PLEKHA8: variants seen among roughly 807,000 people sequenced by gnomAD.
PLEKHA8 encodes pleckstrin homology domain-containing family A member 8.
Under a neutral mutation model 68.2 loss-of-function variants are expected in PLEKHA8, and 36 were observed. The observed-to-expected ratio is 0.53, with a 90% CI of 0.40 to 0.70. PLEKHA8 has a LOEUF of 0.70. Ranked by LOEUF, PLEKHA8 falls within the 30% of genes least tolerant of loss-of-function variation. The probability of loss-of-function intolerance (pLI) is 0.00; values close to 1 mark genes in which losing one functional copy is unlikely to be tolerated. For missense variants in PLEKHA8, 505 were observed against 615.4 expected, an observed-to-expected ratio of 0.82 and a Z score of 1.90; for synonymous variants, 211 against 216.1, an observed-to-expected ratio of 0.98 and a Z score of 0.20.
At chr7:30,093,424 A>G (rs1795490368), downstream of PLEKHA8, among the ~76,000 whole-genome samples, 1 of 152,188 alleles carries the variant, frequency 6.6e-6, no homozygotes, top group African/African-American at 2.4e-5. Context: ...TAGGACTGTG[A>G]GCCCAGACAG....
intron 13 of PLEKHA8, among the ~76,000 whole-genome samples, chr7:30,108,533 T>G (rs1185627833): frequency 4.6e-5 from 7 of 152,216 alleles, no homozygotes; most frequent in Non-Finnish European, 1.0e-4. Context: ...AGGGTAGATT[T>G]TAAAACTCCC....
intron 13 of PLEKHA8, among the ~76,000 whole-genome samples, chr7:30,095,912 GT>G (rs1304743933): frequency 4.6e-5 from 7 of 152,182 alleles, no homozygotes. Flanking sequence ...GTACCATGCT[GT>G]TTTGGTTACT....
Position 30,112,688 on chromosome 7 carries a change from C to G in PLEKHA8, c.1363-16578C>G, listed in dbSNP as rs191069015. On this transcript the variant is annotated intron_variant, in intron 13 of 13. Coordinates refer to the PLEKHA8 transcript ENST00000396257. ...GATGATTGTGCCACTGCACTCCAGCCTGGGTGACAGACCCAGACCCAGTCT... is the reference window on the plus strand; with the variant it reads ...GATGATTGTGCCACTGCACTCCAGCGTGGGTGACAGACCCAGACCCAGTCT... Among the ~76,000 whole-genome samples the G allele has an allele frequency of 2.5e-3, 381 of 151,116 alleles. 3 individuals are homozygous for G. The highest frequency in any genetic ancestry group is 8.8e-3 in the African/African-American group (360 of 41,088).
At position 30,078,612 on chromosome 7, in the gene PLEKHA8, C is replaced by G. The variant is rs1562535849; in HGVS notation, c.1385C>G (p.Ser462Cys). 1.2e-6 allele frequency: 2 copies of G among 1,613,800 alleles called. No homozygotes were observed. Among genetic ancestry groups the G allele is most frequent in the East Asian group, 4.5e-5 (2 of 44,886 alleles). ...CAGTTAGCTTTAAGGGCAGCTCCAT[C>G]CTATGAAGATTTTGTGGCCGCGTTA... The part of the protein sequence containing the change: ...VFALALRAAP[S>C]YEDFVAALTV... Residue 462 changes from serine to cysteine, a missense_variant, in exon 14 of 14, where the codon TCC becomes TGC. Coordinates refer to ENST00000449726, the MANE Select transcript of PLEKHA8 (RefSeq NM_001197026.2).
downstream of PLEKHA8, among the ~76,000 whole-genome samples, chr7:30,093,718 G>A (rs907645849): frequency 6.6e-6 from 1 of 152,180 alleles, no homozygotes; most frequent in African/African-American, 2.4e-5. Context: ...CAAAAGCTTG[G>A]TGTTTCCATC....
In PLEKHA8 at chr7:30,079,846, A is replaced by T; in HGVS notation, c.*1059A>T. The T allele has an allele frequency of 1.1e-6, 1 of 948,866 alleles. No individual in the cohort carries two copies. Among genetic ancestry groups the T allele is most frequent in the Non-Finnish European group, 1.3e-6 (1 of 796,768 alleles). 58.8% of individuals were successfully genotyped at this position (948,866 alleles called of 1,614,324 possible). A position where few individuals can be genotyped will look rare whatever the true frequency, so the allele number is the denominator to read the frequency against. ...CACAGTATTGAAGAGCAACTAGATTAAATTCTAGTTTACAAAATTACCAGT... is the reference window on the plus strand; with the variant it reads ...CACAGTATTGAAGAGCAACTAGATTTAATTCTAGTTTACAAAATTACCAGT... On this transcript the variant is annotated 3_prime_UTR_variant, in exon 14 of 14. Coordinates refer to ENST00000449726, the MANE Select transcript of PLEKHA8 (RefSeq NM_001197026.2).
intron 7 of PLEKHA8, among the ~76,000 whole-genome samples, chr7:30,053,923 T>G (rs1792617531): frequency 6.6e-6 from 1 of 152,238 alleles, no homozygotes; most frequent in Admixed American, 6.5e-5. Context: ...GTGTTTTCAT[T>G]TAAAGACACT....
At position 30,083,658 on chromosome 7, in the gene PLEKHA8, C is replaced by T. The variant is rs1363196579; in HGVS notation, c.*4871C>T. On this transcript the variant is annotated 3_prime_UTR_variant, in exon 14 of 14. Coordinates refer to ENST00000449726, the MANE Select transcript of PLEKHA8 (RefSeq NM_001197026.2). The stretch of plus-strand genomic sequence containing the variant: ...AATTAAAAGGAAAAAAATACCACTA[C>T]TCTGCAATGCAAAAGTCTTCAAAAT... 15 of 985,262 alleles carry T rather than the reference C, an allele frequency of 1.5e-5. No individual in the cohort carries two copies. Among genetic ancestry groups the T allele is most frequent in the Non-Finnish European group, 1.7e-5 (14 of 829,890 alleles). 61.0% of individuals were successfully genotyped at this position (985,262 alleles called of 1,614,324 possible).
At chr7:30,038,617 G>A (rs1400769008) in intron 1 of PLEKHA8, among the ~76,000 whole-genome samples, 1 of 152,072 alleles carries the variant, frequency 6.6e-6, no homozygotes, top group African/African-American at 2.4e-5. Flanking sequence ...GTTATTAAAG[G>A]ACTATGCATT....
At chr7:30,051,419 C>T (rs1249793209) in intron 6 of PLEKHA8, among the ~76,000 whole-genome samples, 1 of 151,042 alleles carries the variant, frequency 6.6e-6, no homozygotes, top group African/African-American at 2.4e-5. Flanking sequence ...AAGAAAATAG[C>T]AAATACTTTT....
At chr7:30,064,523 A>C (rs1186274200) in intron 12 of PLEKHA8, among the ~76,000 whole-genome samples, 2 of 152,148 alleles carry the variant, frequency 1.3e-5, no homozygotes, top group Admixed American at 6.5e-5. Context: ...AGTCTGGGCA[A>C]TCGAGTGAGA....
At chr7:30,072,269 A>G (rs1794285700) in intron 12 of PLEKHA8, 1 of 152,222 alleles carries the variant, frequency 6.6e-6, no homozygotes, top group Non-Finnish European at 1.5e-5. Context: ...AGCTTTAGAG[A>G]GCCAAAGGAA....
intron 4 of PLEKHA8, among the ~76,000 whole-genome samples, chr7:30,048,522 A>C (rs2127974726): frequency 1.3e-5 from 2 of 152,316 alleles, no homozygotes; most frequent in South Asian, 4.1e-4. Context: ...TGTGATTTTT[A>C]GCATTTATTA....
intron 5 of PLEKHA8, among the ~76,000 whole-genome samples, chr7:30,049,908 C>G (rs1373768202): frequency 2.0e-5 from 3 of 152,350 alleles, no homozygotes; most frequent in South Asian, 2.1e-4. Context: ...CTTCACCTCT[C>G]TTTCCTGGAT....
chr7:30,113,761 A>G (rs1046648534), intron 13 of PLEKHA8, among the ~76,000 whole-genome samples: 3 of 152,154 alleles, frequency 2.0e-5, no homozygotes, highest in Non-Finnish European at 4.4e-5. Flanking sequence ...TCACTTCATC[A>G]TATTGCTGCA....
At position 30,080,461 on chromosome 7, in the gene PLEKHA8, C is replaced by G. The variant is rs1794870719; in HGVS notation, c.*1674C>G. 1 of 985,150 alleles carries G rather than the reference C, an allele frequency of 1.0e-6. No homozygotes were observed. The highest frequency in any genetic ancestry group is 1.2e-6 in the Non-Finnish European group (1 of 829,898). The allele number at this position is 985,150 out of a possible 1,614,324, so 61.0% of individuals were successfully genotyped here. A position where few individuals can be genotyped will look rare whatever the true frequency, so the allele number is the denominator to read the frequency against. ...GCATCATCTCTAGATGATGCTGTTC[C>G]TGCTGCAGATCTCTAGGATGGAGAG... On this transcript the variant is annotated 3_prime_UTR_variant, in exon 14 of 14. Coordinates refer to ENST00000449726, the MANE Select transcript of PLEKHA8 (RefSeq NM_001197026.2).
In PLEKHA8 at chr7:30,083,749, A is replaced by T; in HGVS notation, c.*4962A>T. ...CAAATGTTTTCAGCTAAGCTATGTG[A>T]GAATGTAAGAATAATATCCTGCTTG... On this transcript the variant is annotated 3_prime_UTR_variant, in exon 14 of 14. Coordinates refer to ENST00000449726, the MANE Select transcript of PLEKHA8 (RefSeq NM_001197026.2). 1 of 985,116 alleles carries T rather than the reference A, an allele frequency of 1.0e-6. No individual in the cohort carries two copies. The highest frequency in any genetic ancestry group is 1.2e-6 in the Non-Finnish European group (1 of 829,620). The allele number at this position is 985,116 out of a possible 1,614,324, so 61.0% of individuals were successfully genotyped here.
Position 30,106,917 on chromosome 7 carries a change from A to G in PLEKHA8, c.1363-22349A>G, listed in dbSNP as rs538700314. Among the ~76,000 whole-genome samples the G allele has an allele frequency of 6.6e-5, 10 of 152,348 alleles. No homozygotes were observed. The South Asian group carries it at 1.0e-3, about 16-fold the overall frequency. ...ACATAAGGGACTTCTGAGCATCTTC[A>G]GATTTTGATACCTGCCAGGGTCCTG... is the stretch of plus-strand genomic sequence containing the variant. On this transcript the variant is annotated intron_variant, in intron 13 of 13. Transcript: ENST00000396257.
intron 13 of PLEKHA8, among the ~76,000 whole-genome samples, chr7:30,110,409 C>T (rs577720555): frequency 4.6e-5 from 7 of 152,298 alleles, no homozygotes; most frequent in African/African-American, 1.7e-4. Flanking sequence ...TTGTGTTGAT[C>T]CATTCACCAG....
Sources: allele counts gnomAD v4.1 joint callset (sites outside exome capture counted in the v4.1 genomes callset), GRCh38; gene constraint gnomAD v4.1.1; transcripts MANE v1.5; gene names NCBI Gene and HGNC (gene_info 2026-07-23, HGNC 2026-07-21).